MAGI1: variants seen among roughly 807,000 people sequenced by gnomAD.
The protein encoded by MAGI1 is membrane associated guanylate kinase, WW and PDZ domain containing 1, also known as membrane-associated guanylate kinase, WW and PDZ domain-containing protein 1.
In MAGI1, 58 loss-of-function variants were observed where a neutral mutation model predicts 139.9. The observed-to-expected ratio is 0.41, with a 90% CI of 0.34 to 0.52. The LOEUF (loss-of-function observed/expected upper bound fraction) is 0.52, where lower values mean the gene tolerates loss of function less well. Among genes scored for constraint, MAGI1 ranks in the 20% least tolerant of loss-of-function variants. MAGI1 has a pLI of 0.12. For synonymous variants in MAGI1, 812 were observed against 737.9 expected (o/e 1.10, Z -1.63); for missense variants, 1,874 against 1,901.6 (o/e 0.99, Z 0.27).
At chr3:65,500,153 T>C (rs1248506296) in intron 2 of MAGI1, among the ~76,000 whole-genome samples, 2 of 152,164 alleles carry the variant, frequency 1.3e-5, no homozygotes, top group African/African-American at 4.8e-5. Flanking sequence ...TACCGATGAA[T>C]AGGAATATAC....
intron 1 of MAGI1, among the ~76,000 whole-genome samples, chr3:65,657,921 C>T (rs186867453): frequency 1.3e-5 from 2 of 152,290 alleles, no homozygotes; most frequent in African/African-American, 4.8e-5. Flanking sequence ...ACTAGCATAA[C>T]AATACCTTCT....
At chr3:65,891,456 C>T (rs375583583) in intron 1 of MAGI1, among the ~76,000 whole-genome samples, 35 of 151,958 alleles carry the variant, frequency 2.3e-4, no homozygotes, top group African/African-American at 6.8e-4. Flanking sequence ...TAAAGCACAA[C>T]GGGAAGAGAA....
intron 1 of MAGI1, chr3:65,874,506 A>T (rs1198318360): frequency 6.6e-6 from 1 of 152,236 alleles, no homozygotes; most frequent in Admixed American, 6.5e-5. Context: ...AAGACCAAAT[A>T]AACACATTAA....
intron 2 of MAGI1, among the ~76,000 whole-genome samples, chr3:65,602,952 A>G (rs9841561): frequency 0.55 from 83,137 of 151,838 alleles, 23,181 homozygotes; most frequent in African/African-American, 0.65. Flanking sequence ...ATAAGAGAAT[A>G]CCATGTACAA....
At chr3:65,964,233 A>G (rs981373696) in intron 1 of MAGI1, among the ~76,000 whole-genome samples, 2 of 152,168 alleles carry the variant, frequency 1.3e-5, no homozygotes, top group South Asian at 4.1e-4. Flanking sequence ...GAGATCCACA[A>G]ACAAAAACAA....
In MAGI1 at chr3:65,530,655, GTGTGTGTA is replaced by G. The variant is rs1165885931; in HGVS notation, c.431-37032_431-37025del. On this transcript the variant is annotated intron_variant, in intron 2 of 22. Transcript: ENST00000402939. ...TGTGTGTGTGTGTGTGTGTGTGTGT[GTGTGTGTA>G]TATATATATACATATATATATACGT... Among the ~76,000 whole-genome samples the G allele has an allele frequency of 3.8e-3, 289 of 76,122 alleles. 9 individuals are homozygous for G. Among genetic ancestry groups the G allele is most frequent in the Middle Eastern group, 0.015 (2 of 136 alleles). 49.9% of individuals were successfully genotyped at this position (76,122 alleles called of 152,430 possible). A position where few individuals can be genotyped will look rare whatever the true frequency, so the allele number is the denominator to read the frequency against.
intron 2 of MAGI1, among the ~76,000 whole-genome samples, chr3:65,593,445 T>C (rs943896853): frequency 3.9e-5 from 6 of 152,190 alleles, no homozygotes; most frequent in South Asian, 2.1e-4. Context: ...AGTATGAACT[T>C]TTCAGAACAA....
chr3:65,741,335 T>C (rs1405490875), intron 1 of MAGI1, among the ~76,000 whole-genome samples: 1 of 152,028 alleles, frequency 6.6e-6, no homozygotes, highest in Non-Finnish European at 1.5e-5. Context: ...CCACCACGCT[T>C]GGCTAATTTT....
chr3:65,699,360 T>A (rs1311152565), intron 1 of MAGI1, among the ~76,000 whole-genome samples: 6 of 148,546 alleles, frequency 4.0e-5, no homozygotes, highest in Admixed American at 1.3e-4. Context: ...CATTTGACCC[T>A]GCCATCCCAT....
intron 1 of MAGI1, among the ~76,000 whole-genome samples, chr3:65,755,008 C>A (rs1315343885): frequency 6.6e-6 from 1 of 150,866 alleles, no homozygotes; most frequent in African/African-American, 2.4e-5. Context: ...GGCTGGAGTG[C>A]AGTGGTGTGA....
intron 17 of MAGI1, among the ~76,000 whole-genome samples, chr3:65,378,287 A>C (rs2106872574): frequency 1.3e-5 from 2 of 152,332 alleles, no homozygotes; most frequent in African/African-American, 4.8e-5. Context: ...GTGTTTCTCC[A>C]TACTTTGCTG....
intron 1 of MAGI1, among the ~76,000 whole-genome samples, chr3:65,693,559 C>T (rs565529915): frequency 6.6e-6 from 1 of 152,260 alleles, no homozygotes; most frequent in Non-Finnish European, 1.5e-5. Context: ...CCTGGAGGAG[C>T]TTTAATGCCT....
intron 1 of MAGI1, chr3:65,687,258 G>C (rs1175331780): frequency 1.1e-5 from 2 of 187,972 alleles, no homozygotes; most frequent in Non-Finnish European, 2.3e-5. Flanking sequence ...GGGCAGGGGA[G>C]GAAGGGGTGA....
intron 1 of MAGI1, among the ~76,000 whole-genome samples, chr3:65,958,379 G>C (rs1317862722): frequency 2.6e-5 from 4 of 152,250 alleles, no homozygotes; most frequent in Admixed American, 2.0e-4. Flanking sequence ...ATCCAATAAA[G>C]ACCTGCTTAT....
At chr3:65,887,209 CT>C (rs2060569888) in intron 1 of MAGI1, among the ~76,000 whole-genome samples, 1 of 151,896 alleles carries the variant, frequency 6.6e-6, no homozygotes, top group South Asian at 2.1e-4. Flanking sequence ...AACTGGTTGC[CT>C]CTGGAGGATT....
intron 12 of MAGI1, among the ~76,000 whole-genome samples, chr3:65,427,028 G>C (rs754584774): frequency 2.0e-5 from 3 of 152,172 alleles, no homozygotes. Context: ...AAATCAAGGA[G>C]TATAGTCAGG....
rs1395470470 is a variant in MAGI1, at chr3:65,950,969, AAGGAAGGAAGGAAGGAAGGAAG to A, written c.313+87005_313+87026del. Among the ~76,000 whole-genome samples the A allele has an allele frequency of 1.2e-3, 17 of 14,624 alleles. No homozygotes were observed. In the East Asian group the frequency reaches 0.032, roughly 28 times the overall value. 9.6% of individuals were successfully genotyped at this position (14,624 alleles called of 152,430 possible). On this transcript the variant is annotated intron_variant, in intron 1 of 22. Transcript: ENST00000402939. ...TTGGTGAGAAGAAAGAGAAGGAAGGAAGGAAGGAAGGAAGGAAGGAAGGAAGGAAGGAAGGAAGGAAGGAAGG... is the reference window on the plus strand; with the variant it reads ...TTGGTGAGAAGAAAGAGAAGGAAGGAGAAGGAAGGAAGGAAGGAAGGAAGG...
At chr3:65,572,733 A>C (rs572759852) in intron 2 of MAGI1, among the ~76,000 whole-genome samples, 16 of 152,022 alleles carry the variant, frequency 1.1e-4, no homozygotes, top group Non-Finnish European at 1.8e-4. Flanking sequence ...ATATTGTCCC[A>C]TAAGTATTAT....
intron 1 of MAGI1, among the ~76,000 whole-genome samples, chr3:65,731,066 C>T (rs966717615): frequency 6.6e-6 from 1 of 152,180 alleles, no homozygotes; most frequent in Admixed American, 6.5e-5. Flanking sequence ...CACCGTGCAA[C>T]AGGGCATTTC....
Sources: gnomAD v4.1 joint callset for allele counts (sites outside exome capture counted in the v4.1 genomes callset) on GRCh38, gnomAD v4.1.1 for gene constraint, MANE v1.5 for transcripts, NCBI Gene and HGNC (gene_info 2026-07-23, HGNC 2026-07-21) for gene names.